Variants in ABCB1 observed in about 807,000 individuals in gnomAD.
The protein encoded by ABCB1 is ATP binding cassette subfamily B member 1.
A neutral mutation model predicts 142.0 loss-of-function variants in ABCB1; 69 were observed. That is an observed-to-expected ratio of 0.49 (90% CI 0.40 to 0.59). The LOEUF (loss-of-function observed/expected upper bound fraction) is 0.59. ABCB1 is among the 20% of genes least tolerant of loss of function. The probability of loss-of-function intolerance (pLI) is 0.00; values close to 1 mark genes in which losing one functional copy is unlikely to be tolerated. For missense variants in ABCB1, 1,326 were observed against 1,554.7 expected, an observed-to-expected ratio of 0.85 and a Z score of 2.47; for synonymous variants, 532 against 539.2, an observed-to-expected ratio of 0.99 and a Z score of 0.18.
chr7:87,682,475 G>C (rs939205394), intron 1 of ABCB1, among the ~76,000 whole-genome samples: 3 of 152,144 alleles, frequency 2.0e-5, no homozygotes, highest in African/African-American at 7.2e-5. Context: ...TAAGACTTGG[G>C]TCTAAATTAC....
At chr7:87,530,686 A>C (rs1294265148) in intron 21 of ABCB1, among the ~76,000 whole-genome samples, 1 of 151,968 alleles carries the variant, frequency 6.6e-6, no homozygotes, top group Non-Finnish European at 1.5e-5. Context: ...AGATATAATA[A>C]ATACCCCTAG....
At chr7:87,544,386 A>G (rs373141679) in intron 16 of ABCB1, 111 bp from the exon 17 acceptor site, 3 of 1,082,234 alleles carry the variant, frequency 2.8e-6, no homozygotes, top group Non-Finnish European at 2.7e-6. Context: ...TTCCTTATCA[A>G]TGAATAAGTG....
intron 3 of ABCB1, among the ~76,000 whole-genome samples, chr7:87,589,837 G>GAGAGAGAGAGAGAGA (rs1818919970): frequency 4.9e-4 from 42 of 84,986 alleles, no homozygotes; most frequent in African/African-American, 2.8e-3. Flanking sequence ...AGAGAGAGAG[G>GAGAGAGAGAGAGAGA]GAGAGAGGGA....
At chr7:87,670,171 T>G (rs1211609028) in intron 1 of ABCB1, among the ~76,000 whole-genome samples, 1 of 152,234 alleles carries the variant, frequency 6.6e-6, no homozygotes, top group Non-Finnish European at 1.5e-5. Context: ...TTATTCCTTT[T>G]TATTCCTCTT....
intron 23 of ABCB1, among the ~76,000 whole-genome samples, chr7:87,517,191 G>T (rs2117088964): frequency 6.6e-6 from 1 of 152,128 alleles, no homozygotes; most frequent in Admixed American, 6.5e-5. Context: ...ACCTCTCTCT[G>T]TATCCTCATC....
At chr7:87,604,672 T>A (rs1405721654), upstream of ABCB1, among the ~76,000 whole-genome samples, 1 of 151,918 alleles carries the variant, frequency 6.6e-6, no homozygotes, top group South Asian at 2.1e-4. Context: ...TTTTCAGAGG[T>A]CGTTTGTCTT....
chr7:87,592,555 C>A (rs986148096), intron 3 of ABCB1, among the ~76,000 whole-genome samples: 3 of 152,150 alleles, frequency 2.0e-5, no homozygotes, highest in Admixed American at 2.0e-4. Flanking sequence ...CTCTTCAATT[C>A]CAGAGAGATA....
Position 87,515,377 on chromosome 7 carries a change from T to C in ABCB1, c.3136A>G (p.Thr1046Ala). Reference sequence around the variant, plus strand: ...TGAAGCACTGGGATGTCCGGTCGGGTGGGATAGTTGAATACAACTTCACCA... The same window carrying C: ...TGAAGCACTGGGATGTCCGGTCGGGCGGGATAGTTGAATACAACTTCACCA... ...TFGEVVFNYP[T>A]RPDIPVLQGL... The change falls in exon 25 of 28, where the codon ACC becomes GCC. Residue 1046 changes from threonine to alanine, a missense_variant. Thr to Ala is a moderately conservative substitution (Grantham distance 58). Coordinates refer to ENST00000622132, the MANE Select transcript of ABCB1 (RefSeq NM_001348946.2). 1.2e-6 allele frequency: 2 copies of C among 1,614,108 alleles called. No individual in the cohort carries two copies. The highest frequency in any genetic ancestry group is 1.7e-6 in the Non-Finnish European group (2 of 1,180,004).
chr7:87,623,215 G>A (rs1289351993), intron 1 of ABCB1, among the ~76,000 whole-genome samples: 1 of 152,154 alleles, frequency 6.6e-6, no homozygotes, highest in Non-Finnish European at 1.5e-5. Flanking sequence ...GAACGGTTCT[G>A]ATGATTAATT....
Position 87,568,695 on chromosome 7 carries a change from A to C in ABCB1, c.338+1477T>G, listed in dbSNP as rs28381844. Among the ~76,000 whole-genome samples, 89 of 152,342 alleles carry C rather than the reference A, an allele frequency of 5.8e-4. No individual in the cohort carries two copies. In the East Asian group the frequency reaches 0.016, roughly 28 times the overall value. On this transcript the variant is annotated intron_variant, in intron 5 of 27. Coordinates refer to ENST00000622132, the MANE Select transcript of ABCB1 (RefSeq NM_001348946.2). ...CCCCAAACTCTACCTTGTAACTTAC[A>C]ATGCATTTATCAAGGAAGATGTAAT... is the stretch of plus-strand genomic sequence containing the variant.
At position 87,549,943 on chromosome 7, in the gene ABCB1, T is replaced by C. The variant is rs1338355304; in HGVS notation, c.1462A>G (p.Ile488Val). ...VLFATTIAEN[I>V]RYGRENVTMD... ...GTGACATTTTCACGGCCATAGCGAATGTTTTCAGCTATCGTGGTGGCAAAC... is the reference window on the plus strand; with the variant it reads ...GTGACATTTTCACGGCCATAGCGAACGTTTTCAGCTATCGTGGTGGCAAAC... Residue 488 changes from isoleucine to valine, a missense_variant, in exon 13 of 28, where the codon ATT becomes GTT. Coordinates refer to ENST00000622132, the MANE Select transcript of ABCB1 (RefSeq NM_001348946.2). 6.2e-7 allele frequency: 1 copy of C among 1,614,198 alleles called. No homozygotes were observed. The highest frequency in any genetic ancestry group is 1.7e-5 in the Admixed American group (1 of 60,028).
chr7:87,593,807 A>T (rs1388379065), intron 3 of ABCB1, among the ~76,000 whole-genome samples: 2 of 152,102 alleles, frequency 1.3e-5, no homozygotes, highest in Non-Finnish European at 2.9e-5. Flanking sequence ...GTGCCCTGTG[A>T]CTCCATTAGG....
chr7:87,577,544 C>T (rs1261899825), intron 4 of ABCB1, among the ~76,000 whole-genome samples: 1 of 152,184 alleles, frequency 6.6e-6, no homozygotes, highest in Non-Finnish European at 1.5e-5. Context: ...AGTTGTACAA[C>T]AGTGTACAAG....
chr7:87,521,235 T>C, intron 21 of ABCB1: 3 of 352,372 alleles, frequency 8.5e-6, no homozygotes, highest in Non-Finnish European at 1.6e-5. Flanking sequence ...AGTTCACAGT[T>C]ATTTTACACT....
intron 20 of ABCB1, 28 bp from the exon 21 acceptor site, chr7:87,531,525 T>C: frequency 1.3e-6 from 2 of 1,598,722 alleles, no homozygotes; most frequent in South Asian, 1.1e-5. Context: ...TTAGAGAAAT[T>C]TTAAAAATAT....
chr7:87,624,422 A>T (rs117606166), intron 1 of ABCB1, among the ~76,000 whole-genome samples: 4,742 of 152,210 alleles, frequency 0.031, 72 homozygotes, highest in Middle Eastern at 0.048. Context: ...TATACATTTT[A>T]TAGTATTTTA....
upstream of ABCB1, among the ~76,000 whole-genome samples, chr7:87,605,128 T>G (rs1188200014): frequency 1.3e-5 from 2 of 152,132 alleles, no homozygotes; most frequent in Admixed American, 1.3e-4. Flanking sequence ...ATGAACTATC[T>G]CCCTTATCAA....
At chr7:87,530,830 C>CAAGAAAGAAAGAAAGA (rs1241023862) in intron 21 of ABCB1, among the ~76,000 whole-genome samples, 8 of 43,398 alleles carry the variant, frequency 1.8e-4, no homozygotes, top group African/African-American at 3.0e-4. Context: ...AGCAAGAAAG[C>CAAGAAAGAAAGAAAGA]AAGAAAGCAA....
At chr7:87,582,975 G>C (rs943246603) in intron 4 of ABCB1, among the ~76,000 whole-genome samples, 2 of 152,084 alleles carry the variant, frequency 1.3e-5, no homozygotes, top group Admixed American at 6.5e-5. Flanking sequence ...TTAAAGGGAT[G>C]ATTATTCACA....
Sources: gnomAD v4.1 joint callset for allele counts (sites outside exome capture counted in the v4.1 genomes callset) on GRCh38, gnomAD v4.1.1 for gene constraint, MANE v1.5 for transcripts, NCBI Gene and HGNC (gene_info 2026-07-23, HGNC 2026-07-21) for gene names.